The following JHY variants were observed in gnomAD, a reference collection of about 807,000 sequenced individuals.
JHY encodes the protein junctional cadherin complex regulator, also known as jhy protein homolog.
JHY carries 69 observed loss-of-function variants against 78.0 expected under a neutral mutation model. The observed-to-expected ratio is 0.88, with a 90% CI of 0.73 to 1.08. The LOEUF (loss-of-function observed/expected upper bound fraction) is 1.08, where lower values mean the gene tolerates loss of function less well. Among genes scored for constraint, JHY ranks in the 50% least tolerant of loss-of-function variants. JHY has a pLI of 0.00. For synonymous variants in JHY, 368 were observed against 342.6 expected (o/e 1.07, Z -0.82); for missense variants, 944 against 927.8 (o/e 1.02, Z -0.23).
intron 3 of JHY, among the ~76,000 whole-genome samples, chr11:122,913,290 A>G (rs1863169239): frequency 6.6e-6 from 1 of 152,218 alleles, no homozygotes; most frequent in Non-Finnish European, 1.5e-5. Context: ...GGTCTCAGAT[A>G]CTGTTTCAAA....
rs1195186753 is a variant in JHY at position 122,883,997 on chromosome 11, T to G, written c.-90+1025T>G. ...ACCGGTGTTAAACAATCTCTTTTACTTAAAATGTGTTAGTATTTGATAGAT... is the reference window on the plus strand; with the variant it reads ...ACCGGTGTTAAACAATCTCTTTTACGTAAAATGTGTTAGTATTTGATAGAT... On this transcript the variant is annotated intron_variant, in intron 1 of 8. Transcript: ENST00000227349. The surrounding 1 kb of genome is among the most constrained non-coding windows in gnomAD (Gnocchi z 4.4). 6.6e-6 allele frequency among the ~76,000 whole-genome samples: 1 copy of G among 152,222 alleles called. No individual in the cohort carries two copies. Among genetic ancestry groups the G allele is most frequent in the South Asian group, 2.1e-4 (1 of 4,834 alleles).
intron 6 of JHY, among the ~76,000 whole-genome samples, chr11:122,949,290 T>C (rs1426043942): frequency 1.3e-5 from 2 of 152,090 alleles, no homozygotes; most frequent in African/African-American, 4.8e-5. Flanking sequence ...TTCAAAGAAG[T>C]ACTTTATTGT....
intron 2 of JHY, among the ~76,000 whole-genome samples, chr11:122,903,171 C>G (rs1289709363): frequency 6.6e-6 from 1 of 152,280 alleles, no homozygotes; most frequent in African/African-American, 2.4e-5. Flanking sequence ...TGTCCTTGAC[C>G]AGAACATTGT....
chr11:122,905,115 T>C, intron 3 of JHY: 7 of 1,229,498 alleles, frequency 5.7e-6, no homozygotes, highest in Non-Finnish European at 8.4e-6. Flanking sequence ...TGATTAAACA[T>C]TAGTCTCTTT....
intron 3 of JHY, among the ~76,000 whole-genome samples, chr11:122,923,525 C>CTGAT (rs1263807656): frequency 2.0e-5 from 3 of 152,064 alleles, no homozygotes; most frequent in Non-Finnish European, 2.9e-5. Context: ...GCAGTACATC[C>CTGAT]TGATGGCTGG....
At position 122,957,371 on chromosome 11, in the gene JHY, A is replaced by T; in HGVS notation, c.2019A>T (p.Lys673Asn). 1 of 1,528,130 alleles carries T rather than the reference A, an allele frequency of 6.5e-7. No individual in the cohort carries two copies. The highest frequency in any genetic ancestry group is 8.7e-7 in the Non-Finnish European group (1 of 1,150,734). The allele number at this position is 1,528,130 out of a possible 1,614,324, so 94.7% of individuals were successfully genotyped here. The change falls in exon 8 of 9, where the codon AAA becomes AAT. Residue 673 changes from lysine (K) to asparagine (N), a missense_variant. Coordinates refer to ENST00000227349, the MANE Select transcript of JHY (RefSeq NM_024806.4). ...DFESIRDKTQ[K>N]LIQQKEYAKQ... ...TTTGTTTCTCTGAACAGACGCAAAA[A>T]TTAATACAGCAAAAGGAATATGCAA...
chr11:122,909,288 A>G (rs1863062420), intron 3 of JHY, among the ~76,000 whole-genome samples: 2 of 152,210 alleles, frequency 1.3e-5, no homozygotes, highest in African/African-American at 4.8e-5. Context: ...TACGGAGGAC[A>G]ATTTGTTAAT....
intron 3 of JHY, among the ~76,000 whole-genome samples, chr11:122,908,738 G>A (rs1287785749): frequency 2.6e-5 from 4 of 152,084 alleles, no homozygotes; most frequent in Non-Finnish European, 5.9e-5. Context: ...TCACTCTGTC[G>A]CCCAGGCTGA....
chr11:122,935,204 A>T lies in JHY; in HGVS notation c.1634+129A>T, dbSNP rs1327307968. The T allele has an allele frequency of 3.9e-6, 3 of 762,972 alleles. No individual in the cohort carries two copies. Among genetic ancestry groups the T allele is most frequent in the Non-Finnish European group, 6.0e-6 (3 of 499,932 alleles). The allele number at this position is 762,972 out of a possible 1,614,324, so 47.3% of individuals were successfully genotyped here. On this transcript the variant is annotated intron_variant, in intron 5 of 8. Coordinates refer to ENST00000227349, the MANE Select transcript of JHY (RefSeq NM_024806.4). This position sits in a 1 kb window ranked among gnomAD's most constrained non-coding sequence, Gnocchi z 4.5. ...GGTGAGAAGAAGAGTTCACCTAACA[A>T]CTTCCTTAGCTCTGATTCCTGCCTC...
intron 2 of JHY, among the ~76,000 whole-genome samples, chr11:122,900,137 C>T (rs1862819552): frequency 6.6e-6 from 1 of 152,212 alleles, no homozygotes; most frequent in Admixed American, 6.5e-5. Context: ...CATCTCTCTT[C>T]TCTTGTTGGA....
At chr11:122,903,720 G>C (rs1316363881) in intron 2 of JHY, among the ~76,000 whole-genome samples, 1 of 152,058 alleles carries the variant, frequency 6.6e-6, no homozygotes, top group African/African-American at 2.4e-5. Context: ...TGCTTCAAGC[G>C]ATCCTCCTGC....
intron 3 of JHY, among the ~76,000 whole-genome samples, chr11:122,920,792 C>T (rs1438647360): frequency 6.6e-6 from 1 of 152,220 alleles, no homozygotes; most frequent in African/African-American, 2.4e-5. Context: ...ATTGCCTGCG[C>T]TTCAACAATA....
At chr11:122,901,202 T>TA (rs1257090424) in intron 2 of JHY, among the ~76,000 whole-genome samples, 1 of 152,172 alleles carries the variant, frequency 6.6e-6, no homozygotes, top group African/African-American at 2.4e-5. Flanking sequence ...AAAGGTACAG[T>TA]AAAAATAAAG....
At chr11:122,909,242 G>A (rs576169175) in intron 3 of JHY, among the ~76,000 whole-genome samples, 21 of 152,274 alleles carry the variant, frequency 1.4e-4, no homozygotes, top group Non-Finnish European at 2.5e-4. Flanking sequence ...CAAAAAATAC[G>A]GTCAAGCTGG....
rs1350461123 is a variant in JHY at position 122,883,274 on chromosome 11, C to G, written c.-90+302C>G. On this transcript the variant is annotated intron_variant, in intron 1 of 8. Transcript: ENST00000227349. This position sits in a 1 kb window ranked among gnomAD's most constrained non-coding sequence, Gnocchi z 4.4. The stretch of plus-strand genomic sequence containing the variant: ...TCACTTCCTGGACCTCCAAACGCCC[C>G]TTGTGACAGGCCTTGTTCCTCAGGA... 3.3e-5 allele frequency among the ~76,000 whole-genome samples: 5 copies of G among 152,302 alleles called. No homozygotes were observed. In the East Asian group the frequency reaches 9.7e-4, roughly 29 times the overall value.
chr11:122,901,495 AAC>A (rs1487286648), intron 2 of JHY, among the ~76,000 whole-genome samples: 3 of 152,158 alleles, frequency 2.0e-5, no homozygotes, highest in Non-Finnish European at 2.9e-5. Context: ...CTTTTGTAAT[AAC>A]ACAGCTTAAA....
chr11:122,895,544 T>A (rs914040983), intron 2 of JHY, among the ~76,000 whole-genome samples: 1 of 152,176 alleles, frequency 6.6e-6, no homozygotes, highest in African/African-American at 2.4e-5. Flanking sequence ...CAATAAGTAC[T>A]CAAATATGGT....
intron 5 of JHY, among the ~76,000 whole-genome samples, chr11:122,937,242 C>CTTTTTTTTTTT (rs11353255): frequency 7.3e-6 from 1 of 137,670 alleles, no homozygotes; most frequent in Non-Finnish European, 1.6e-5. Flanking sequence ...CTTTTCATTT[C>CTTTTTTTTTTT]TTTTTTTTTT....
chr11:122,956,596 A>C lies in JHY; in HGVS notation c.2010+20A>C, dbSNP rs748146309. 6.2e-7 allele frequency: 1 copy of C among 1,607,316 alleles called. No individual in the cohort carries two copies. Among genetic ancestry groups the C allele is most frequent in the Non-Finnish European group, 8.5e-7 (1 of 1,174,734 alleles). The stretch of plus-strand genomic sequence containing the variant: ...GACAAAGTGAGTGAGATGCACATAC[A>C]GTGTTTCCAGACCTGACTCAGCCCA... On this transcript the variant is annotated intron_variant, in intron 7 of 8. Transcript: ENST00000227349.
Sources: allele counts gnomAD v4.1 joint callset (sites outside exome capture counted in the v4.1 genomes callset), GRCh38; gene constraint gnomAD v4.1.1; non-coding constraint Gnocchi (gnomAD v3.1); transcripts MANE v1.5; gene names NCBI Gene and HGNC (gene_info 2026-07-23, HGNC 2026-07-21).